Variants in HDGFL2 observed in about 807,000 individuals in gnomAD.
The protein encoded by HDGFL2 is hepatoma-derived growth factor-related protein 2.
In HDGFL2, 36 loss-of-function variants were observed where a neutral mutation model predicts 77.1. That is an observed-to-expected ratio of 0.47 (90% confidence interval 0.36 to 0.62). The LOEUF (loss-of-function observed/expected upper bound fraction) is 0.62, where lower values mean the gene tolerates loss of function less well. Ranked by LOEUF, HDGFL2 falls within the 20% of genes least tolerant of loss-of-function variation. The probability of loss-of-function intolerance (pLI) is 0.00; values close to 1 mark genes in which losing one functional copy is unlikely to be tolerated. For synonymous variants in HDGFL2, 463 were observed against 413.1 expected (o/e 1.12, Z -1.46); for missense variants, 976 against 973.4 (o/e 1.00, Z -0.04).
In HDGFL2 at chr19:4,472,771, C is replaced by A. The variant is rs566841993; in HGVS notation, c.72+349C>A. ...CGCGTTCTTGTGGTCTGGTGGTGTT[C>A]GGATCCTGCAGGACCCGCCGTCTGG... On this transcript the variant is annotated intron_variant, in intron 1 of 15. Transcript: ENST00000616600. 8.2e-5 allele frequency among the ~76,000 whole-genome samples: 12 copies of A among 146,216 alleles called. No individual in the cohort carries two copies. In the East Asian group the frequency reaches 2.5e-3, roughly 30 times the overall value.
intron 3 of HDGFL2, among the ~76,000 whole-genome samples, chr19:4,486,077 A>G (rs1187745203): frequency 1.3e-5 from 2 of 150,294 alleles, no homozygotes; most frequent in Non-Finnish European, 3.0e-5. Flanking sequence ...AAAAACAACA[A>G]CCACGAAAAC....
Position 4,499,492 on chromosome 19 carries a change from T to C in HDGFL2, c.1577T>C (p.Ile526Thr). 6.2e-7 allele frequency: 1 copy of C among 1,612,498 alleles called. No homozygotes were observed. Among genetic ancestry groups the C allele is most frequent in the Non-Finnish European group, 8.5e-7 (1 of 1,179,292 alleles). The change falls in exon 14 of 16, where the codon ATT (isoleucine) becomes ACT (threonine). Residue 526 changes from isoleucine (I) to threonine (T), a missense_variant and splice_region_variant. Physicochemically the swap from Ile to Thr is moderately conservative, Grantham distance 89. This residue lies in a region of HDGFL2 where 46 missense variants were observed against 81.3 expected (regional missense o/e 0.57). Transcript: ENST00000616600. Reference sequence around the variant, plus strand: ...CAGGCCTCTTCTCTTGGTGGCCAGATTCGCCGTTACAAAGCGAACAAGGAC... The same window carrying C: ...CAGGCCTCTTCTCTTGGTGGCCAGACTCGCCGTTACAAAGCGAACAAGGAC... ...NTDVVATLKKIRRYKANKDVM... is the reference protein window; with the variant it reads ...NTDVVATLKKTRRYKANKDVM...
rs10416529 is a variant in HDGFL2, at chr19:4,496,615, C to T, written c.1328+210C>T. ...CCCAGCCCAGGGGTCTCCTCCAGGG[C>T]GATCCCGCCTCCAGAGACACGGCCA... On this transcript the variant is annotated intron_variant, in intron 10 of 15. Transcript: ENST00000616600. Among the ~76,000 whole-genome samples, 104,391 of 151,952 alleles carry T rather than the reference C, an allele frequency of 0.69. 36,357 individuals carry two copies. Among genetic ancestry groups the T allele is most frequent in the Middle Eastern group, 0.77 (224 of 292 alleles).
At chr19:4,472,461 G>GGA in intron 1 of HDGFL2, 39 bp downstream of exon 1, 1 of 420,144 alleles carries the variant, frequency 2.4e-6, no homozygotes, top group South Asian at 3.7e-5. Flanking sequence ...GGGGGGGGGG[G>GGA]GGGGGGCAGC....
intron 15 of HDGFL2, chr19:4,501,604 A>G (rs2145226460): frequency 4.2e-6 from 2 of 477,736 alleles, no homozygotes; most frequent in East Asian, 7.2e-5. Context: ...GTAGGCCCCG[A>G]GCACGGGCAC....
intron 5 of HDGFL2, 25 bp downstream of exon 5, chr19:4,491,707 G>T: frequency 6.2e-7 from 1 of 1,613,384 alleles, no homozygotes; most frequent in Non-Finnish European, 8.5e-7. Context: ...CCTTGGGATG[G>T]CAGGGAAGCG....
chr19:4,489,199 T>C (rs922951598), intron 4 of HDGFL2, among the ~76,000 whole-genome samples: 5 of 151,614 alleles, frequency 3.3e-5, no homozygotes, highest in Admixed American at 3.3e-4. Context: ...GTGATCTGCC[T>C]GCCTCGGTCT....
chr19:4,484,114 G>A (rs1345725519), intron 3 of HDGFL2, among the ~76,000 whole-genome samples: 2 of 110,550 alleles, frequency 1.8e-5, no homozygotes, highest in East Asian at 5.8e-4. Context: ...TTTTGAGACA[G>A]TGTCTGTCAC....
At chr19:4,483,352 C>A (rs1026710830) in intron 3 of HDGFL2, among the ~76,000 whole-genome samples, 1 of 152,160 alleles carries the variant, frequency 6.6e-6, no homozygotes, top group Non-Finnish European at 1.5e-5. Context: ...CCTCTCCTCC[C>A]GGCGCGGGAG....
At chr19:4,501,877 G>A (rs538748424) in intron 15 of HDGFL2, 34 bp from the exon 16 acceptor site, 42 of 1,399,850 alleles carry the variant, frequency 3.0e-5, no homozygotes, top group Non-Finnish European at 3.8e-5. Context: ...GGGGCGGGAG[G>A]GCATCCTCAC....
At chr19:4,487,024 G>A (rs1217850468) in intron 3 of HDGFL2, among the ~76,000 whole-genome samples, 1 of 151,964 alleles carries the variant, frequency 6.6e-6, no homozygotes, top group Non-Finnish European at 1.5e-5. Flanking sequence ...GGAGTGCAGT[G>A]GTGTGATCTC....
chr19:4,486,974 T>C (rs1428619771), intron 3 of HDGFL2, among the ~76,000 whole-genome samples: 3 of 150,042 alleles, frequency 2.0e-5, no homozygotes, highest in Non-Finnish European at 4.5e-5. Context: ...CTCTCTCTCT[T>C]TTTTTTTTTG....
At chr19:4,493,252 GTC>G (rs1372937485) in intron 6 of HDGFL2, among the ~76,000 whole-genome samples, 3 of 125,684 alleles carry the variant, frequency 2.4e-5, no homozygotes, top group African/African-American at 9.5e-5. Flanking sequence ...TATGTGTGTT[GTC>G]TGTGTGTGTG....
intron 9 of HDGFL2, among the ~76,000 whole-genome samples, chr19:4,494,974 T>C (rs1323040430): frequency 1.3e-5 from 2 of 151,992 alleles, no homozygotes; most frequent in Admixed American, 6.6e-5. Flanking sequence ...TAGTGCGTGC[T>C]GTCCGGAGTT....
At chr19:4,473,039 A>T (rs1049299405) in intron 1 of HDGFL2, among the ~76,000 whole-genome samples, 1 of 138,556 alleles carries the variant, frequency 7.2e-6, no homozygotes, top group African/African-American at 2.8e-5. Context: ...CCTGGGCCCG[A>T]GGGAGTCGCA....
At chr19:4,493,559 T>C (rs1975605458) in intron 6 of HDGFL2, 144 bp from the exon 7 acceptor site, 3 of 1,132,750 alleles carry the variant, frequency 2.6e-6, no homozygotes, top group Non-Finnish European at 1.1e-6. Context: ...GTTTTGTGGG[T>C]GGGAGGGGAT....
In HDGFL2 at chr19:4,496,310, A is replaced by G. The variant is rs1298498525; in HGVS notation, c.1233A>G (p.Lys411=). 3 of 1,613,968 alleles carry G rather than the reference A, an allele frequency of 1.9e-6. No individual in the cohort carries two copies. The highest frequency in any genetic ancestry group is 2.5e-6 in the Non-Finnish European group (3 of 1,179,978). ...PEAELEREAK[K]SAKKPQSSST... is the part of the protein sequence containing the mutation. ...CTTCCTGACTGCTATAGGCCAAGAA[A>G]TCAGCGAAGAAGCCGCAGTCCTCAA... is the stretch of plus-strand genomic sequence containing the variant. Residue 411 remains lysine, a synonymous_variant, in exon 10 of 16, where the codon AAA becomes AAG. Coordinates refer to ENST00000616600, the MANE Select transcript of HDGFL2 (RefSeq NM_001001520.3).
At chr19:4,499,785 G>T in intron 14 of HDGFL2, 81 bp downstream of exon 14, 3 of 1,131,926 alleles carry the variant, frequency 2.7e-6, no homozygotes, top group Non-Finnish European at 3.7e-6. Flanking sequence ...TTCCAGAAGG[G>T]GAGTACAGCT....
intron 3 of HDGFL2, among the ~76,000 whole-genome samples, chr19:4,482,241 G>A (rs931029716): frequency 4.7e-5 from 7 of 149,606 alleles, no homozygotes; most frequent in East Asian, 2.0e-4. Flanking sequence ...ATGGAGTCTC[G>A]CTCTGTTGCC....
Sources: allele counts gnomAD v4.1 joint callset (sites outside exome capture counted in the v4.1 genomes callset), GRCh38; gene constraint gnomAD v4.1.1; regional missense constraint gnomAD v4.1.1; transcripts MANE v1.5; gene names NCBI Gene and HGNC (gene_info 2026-07-23, HGNC 2026-07-21).